The following SLC12A2 variants were observed in gnomAD, a reference collection of about 807,000 sequenced individuals.
SLC12A2 encodes the protein solute carrier family 12 member 2, also known as Na-K-2Cl cotransporter 1.
Under a neutral mutation model 136.3 loss-of-function variants are expected in SLC12A2, and 67 were observed. The ratio of observed to expected loss-of-function variants is 0.49; its 90% CI spans 0.40 to 0.60. The LOEUF (loss-of-function observed/expected upper bound fraction) is 0.60. Among genes scored for constraint, SLC12A2 ranks in the 20% least tolerant of loss-of-function variants. The probability of loss-of-function intolerance (pLI) is 0.00; values close to 1 mark genes in which losing one functional copy is unlikely to be tolerated. For synonymous variants in SLC12A2, 619 were observed against 562.9 expected, an observed-to-expected ratio of 1.10 and a Z score of -1.41; for missense variants, 1,322 against 1,534.7, an observed-to-expected ratio of 0.86 and a Z score of 2.32.
intron 4 of SLC12A2, among the ~76,000 whole-genome samples, chr5:128,127,149 T>C (rs1300383898): frequency 1.4e-5 from 1 of 73,138 alleles, no homozygotes; most frequent in African/African-American, 6.1e-5. Flanking sequence ...TGAGATGGGG[T>C]CTTGCTCTGT....
At chr5:128,131,228 C>G (rs921755264) in intron 5 of SLC12A2, 22 bp downstream of exon 5, 2 of 1,612,318 alleles carry the variant, frequency 1.2e-6, no homozygotes, top group Non-Finnish European at 1.7e-6. Context: ...TCCTTCTAGT[C>G]ATTCGTTTAC....
intron 1 of SLC12A2, among the ~76,000 whole-genome samples, chr5:128,111,331 T>C (rs1180221025): frequency 6.6e-6 from 1 of 152,184 alleles, no homozygotes; most frequent in African/African-American, 2.4e-5. Context: ...TAAAAAAGCA[T>C]ATAGCAATAT....
In SLC12A2 at chr5:128,084,254, G is replaced by GGCGGCGGCA. The variant is rs775523273; in HGVS notation, c.309_317dup (p.Ala105_Ala107dup). The GGCGGCGGCA allele has an allele frequency of 9.9e-5, 123 of 1,238,182 alleles. No individual in the cohort carries two copies. The highest frequency in any genetic ancestry group is 2.7e-4 in the Middle Eastern group (1 of 3,684). The allele number at this position is 1,238,182 out of a possible 1,614,324, so 76.7% of individuals were successfully genotyped here. ...GGGCCGCTGCTGCGGCGGCGGCGGCGGCGGCGGCAGCGGCGGCGGCTGGTG... is the reference window on the plus strand; with the variant it reads ...GGGCCGCTGCTGCGGCGGCGGCGGCGGCGGCGGCAGCGGCGGCAGCGGCGGCGGCTGGTG... On this transcript the variant is annotated inframe_insertion, in exon 1 of 27. Transcript: ENST00000262461. The surrounding 1 kb of genome is among the most constrained non-coding windows in gnomAD (Gnocchi z 5.6).
chr5:128,112,758 C>T (rs1219322818), intron 1 of SLC12A2, 56 bp from the exon 2 acceptor site: 2 of 1,349,524 alleles, frequency 1.5e-6, no homozygotes, highest in African/African-American at 2.9e-5. Flanking sequence ...TTGTTTTTAT[C>T]AAGTGATTTT....
chr5:128,183,140 A>G (rs1246517515), intron 24 of SLC12A2, among the ~76,000 whole-genome samples, 199 bp downstream of exon 24: 1 of 152,118 alleles, frequency 6.6e-6, no homozygotes, highest in African/African-American at 2.4e-5. Context: ...TTCAGAGAGG[A>G]TTTAAATTAC....
chr5:128,096,160 G>A (rs1033364310), intron 1 of SLC12A2, among the ~76,000 whole-genome samples: 9 of 152,042 alleles, frequency 5.9e-5, no homozygotes, highest in African/African-American at 2.2e-4. Context: ...CTGGATATTA[G>A]GAAAGGTAAT....
rs183036630 is a variant in SLC12A2 at position 128,187,284 on chromosome 5, C to A, written c.*653C>A. 6.6e-6 allele frequency: 1 copy of A among 152,158 alleles called. No individual in the cohort carries two copies. The highest frequency in any genetic ancestry group is 1.5e-5 in the Non-Finnish European group (1 of 67,968). The allele number at this position is 152,158 out of a possible 1,614,324, so 9.4% of individuals were successfully genotyped here. Reference sequence around the variant, plus strand: ...ATATAGAGCTAGGAAAAAAAGCCCCCCCAAATACCTTTTTAACCCCTCTGA... The same window carrying A: ...ATATAGAGCTAGGAAAAAAAGCCCCACCAAATACCTTTTTAACCCCTCTGA... On this transcript the variant is annotated 3_prime_UTR_variant, in exon 27 of 27. Transcript: ENST00000262461.
At chr5:128,121,473 C>T (rs1265756556) in intron 4 of SLC12A2, among the ~76,000 whole-genome samples, 1 of 152,006 alleles carries the variant, frequency 6.6e-6, no homozygotes, top group Non-Finnish European at 1.5e-5. Flanking sequence ...CAGGTACCTG[C>T]CACCACGCCC....
At chr5:128,116,402 T>A (rs945260964) in intron 4 of SLC12A2, among the ~76,000 whole-genome samples, 5 of 148,466 alleles carry the variant, frequency 3.4e-5, no homozygotes, top group Non-Finnish European at 7.5e-5. Flanking sequence ...TAAATATATA[T>A]ATATATATAT....
chr5:128,134,066 T>C (rs1762109006), intron 5 of SLC12A2, 99 bp from the exon 6 acceptor site: 3 of 637,590 alleles, frequency 4.7e-6, no homozygotes, highest in Non-Finnish European at 8.4e-6. Flanking sequence ...AACTTCTTCA[T>C]GTAAGGCACC....
chr5:128,180,639 A>G (rs1252521876), intron 22 of SLC12A2, among the ~76,000 whole-genome samples: 1 of 152,114 alleles, frequency 6.6e-6, no homozygotes, highest in Non-Finnish European at 1.5e-5. Context: ...GTTGTATGTG[A>G]CTGATCTCGA....
intron 26 of SLC12A2, 107 bp downstream of exon 26, chr5:128,184,963 G>A: frequency 2.0e-6 from 2 of 979,622 alleles, no homozygotes; most frequent in South Asian, 3.4e-5. Flanking sequence ...TGACTTAGTG[G>A]TTATAAGGAG....
At chr5:128,169,865 T>C (rs1215369502) in intron 18 of SLC12A2, 2 of 152,216 alleles carry the variant, frequency 1.3e-5, no homozygotes, top group Non-Finnish European at 1.5e-5. Context: ...TCTGACTTTC[T>C]AGGGATTAAA....
intron 16 of SLC12A2, among the ~76,000 whole-genome samples, chr5:128,158,630 T>A (rs1303892272): frequency 6.6e-6 from 1 of 152,208 alleles, no homozygotes; most frequent in Non-Finnish European, 1.5e-5. Flanking sequence ...TGATTCCATG[T>A]CTTTGATGTT....
At chr5:128,175,780 T>G (rs948455445) in intron 20 of SLC12A2, among the ~76,000 whole-genome samples, 1 of 152,010 alleles carries the variant, frequency 6.6e-6, no homozygotes. Context: ...ACTTACTTTA[T>G]AATTGTTAAA....
rs890249941 is a variant in SLC12A2, at chr5:128,188,778, T to C, written c.*2147T>C. 6 of 152,220 alleles carry C rather than the reference T, an allele frequency of 3.9e-5. No homozygotes were observed. Among genetic ancestry groups the C allele is most frequent in the Admixed American group, 2.6e-4 (4 of 15,214 alleles). 9.4% of individuals were successfully genotyped at this position (152,220 alleles called of 1,614,324 possible). A position where few individuals can be genotyped will look rare whatever the true frequency, so the allele number is the denominator to read the frequency against. On this transcript the variant is annotated 3_prime_UTR_variant, in exon 27 of 27. Coordinates refer to ENST00000262461, the MANE Select transcript of SLC12A2 (RefSeq NM_001046.3). Reference sequence around the variant, plus strand: ...AATTTCTACATTATAACTCACAGCATTGTTCCATTGCAGGTTTTGCAATGT... The same window carrying C: ...AATTTCTACATTATAACTCACAGCACTGTTCCATTGCAGGTTTTGCAATGT...
At chr5:128,151,099 T>C (rs963484206) in intron 13 of SLC12A2, 142 bp from the exon 14 acceptor site, 5 of 587,764 alleles carry the variant, frequency 8.5e-6, no homozygotes, top group Admixed American at 6.8e-5. Context: ...TTGACTTTAC[T>C]ATTCAATATT....
At position 128,174,568 on chromosome 5, in the gene SLC12A2, C is replaced by T. The variant is rs530027408; in HGVS notation, c.2831C>T (p.Ser944Phe). ...QEELLSSQEK[S>F]PGTKDVVVSV... ...GAATTATTGTCATCACAAGAGAAAT[C>T]TCCTGGCACCAAGGATGTGGTAGTA... The change falls in exon 20 of 27, where the codon TCT (serine) becomes TTT (phenylalanine). Residue 944 changes from serine (S) to phenylalanine (F), a missense_variant. By Grantham distance (155) the Ser-to-Phe change is radical. Transcript: ENST00000262461. The T allele has an allele frequency of 3.7e-6, 6 of 1,608,004 alleles. No homozygotes were observed. The South Asian group carries it at 6.7e-5, about 18-fold the overall frequency.
At chr5:128,110,787 A>G (rs1222961883) in intron 1 of SLC12A2, 11 of 1,472,388 alleles carry the variant, frequency 7.5e-6, no homozygotes, top group Non-Finnish European at 8.5e-6. Context: ...AAGAGGCCAA[A>G]AAGATAGCAA....
Sources: gnomAD v4.1 joint callset for allele counts (sites outside exome capture counted in the v4.1 genomes callset) on GRCh38, gnomAD v4.1.1 for gene constraint, Gnocchi (gnomAD v3.1) non-coding constraint, MANE v1.5 for transcripts, NCBI Gene and HGNC (gene_info 2026-07-23, HGNC 2026-07-21) for gene names.